Variants in RAP1GAP2 observed in about 807,000 individuals in gnomAD.
RAP1GAP2 encodes rap1 GTPase-activating protein 2.
RAP1GAP2 carries 27 observed loss-of-function variants against 95.0 expected under a neutral mutation model. The observed-to-expected ratio is 0.28, with a 90% CI of 0.21 to 0.39. The LOEUF is 0.39. Among genes scored for constraint, RAP1GAP2 ranks in the 10% least tolerant of loss-of-function variants. The pLI is 1.00. For missense variants in RAP1GAP2, 771 were observed against 970.0 expected (o/e 0.79, Z 2.72); for synonymous variants, 373 against 380.9 (o/e 0.98, Z 0.24).
intron 3 of RAP1GAP2, among the ~76,000 whole-genome samples, chr17:2,934,001 G>A (rs961435727): frequency 1.2e-4 from 19 of 152,372 alleles, no homozygotes; most frequent in Non-Finnish European, 1.6e-4. Context: ...AGGCAGCCAC[G>A]CCCTTACAGA....
At chr17:3,026,312 G>T in intron 20 of RAP1GAP2, 38 bp from the exon 21 acceptor site, 4 of 1,508,870 alleles carry the variant, frequency 2.7e-6, no homozygotes, top group Non-Finnish European at 3.6e-6. Context: ...GGGCTCTCGC[G>T]TGTGACCCGG....
At chr17:2,793,942 A>G (rs369264682), upstream of RAP1GAP2, among the ~76,000 whole-genome samples, 17 of 152,100 alleles carry the variant, frequency 1.1e-4, no homozygotes, top group East Asian at 2.1e-3. Context: ...CTCTACTAAA[A>G]ACACAAAAAT....
chr17:3,010,730 A>G (rs2046504497), intron 17 of RAP1GAP2, among the ~76,000 whole-genome samples: 1 of 152,128 alleles, frequency 6.6e-6, no homozygotes, highest in Non-Finnish European at 1.5e-5. Context: ...ATCACGACTC[A>G]TCTTTGATCC....
chr17:2,853,556 G>A (rs1567711331), intron 2 of RAP1GAP2, among the ~76,000 whole-genome samples: 1 of 151,106 alleles, frequency 6.6e-6, no homozygotes, highest in African/African-American at 2.4e-5. Context: ...CCTGGGAGCC[G>A]GGCAGGGGGG....
chr17:2,975,616 G>A (rs569546619), intron 8 of RAP1GAP2, among the ~76,000 whole-genome samples: 47 of 152,344 alleles, frequency 3.1e-4, no homozygotes, highest in Middle Eastern at 3.4e-3. Context: ...CCTGATGGGC[G>A]TGTTTGGGAG....
intron 2 of RAP1GAP2, among the ~76,000 whole-genome samples, chr17:2,891,847 G>A: frequency 1.4e-5 from 1 of 71,510 alleles, no homozygotes; most frequent in African/African-American, 5.5e-5. Context: ...TTTTGAGACA[G>A]AGTTTCACTC....
intron 2 of RAP1GAP2, among the ~76,000 whole-genome samples, chr17:2,812,255 A>G (rs1482552982): frequency 6.6e-6 from 1 of 152,074 alleles, no homozygotes; most frequent in African/African-American, 2.4e-5. Context: ...CTGTTCCCAG[A>G]CTGAACTGAC....
chr17:2,958,862 C>T (rs527742119), intron 4 of RAP1GAP2, among the ~76,000 whole-genome samples: 73 of 152,068 alleles, frequency 4.8e-4, no homozygotes, highest in African/African-American at 1.7e-3. Flanking sequence ...GGAGGGGAGA[C>T]GCTGTTTGAA....
At chr17:2,884,651 GGT>G (rs2151677685) in intron 2 of RAP1GAP2, among the ~76,000 whole-genome samples, 1 of 152,174 alleles carries the variant, frequency 6.6e-6, no homozygotes, top group East Asian at 1.9e-4. Context: ...TGGGATTACA[GGT>G]GTGAGCCACT....
Position 2,898,558 on chromosome 17 carries a change from G to A in RAP1GAP2, c.81-6726G>A, listed in dbSNP as rs182790082. Among the ~76,000 whole-genome samples, 781 of 152,248 alleles carry A rather than the reference G, an allele frequency of 5.1e-3. 2 individuals carry two copies. Among genetic ancestry groups the A allele is most frequent in the Non-Finnish European group, 9.3e-3 (632 of 68,022 alleles). The stretch of plus-strand genomic sequence containing the variant: ...GGAATTGAGCCATGTGCATATACCC[G>A]GGGCCTGGCGGTTCCCACATGGCAG... On this transcript the variant is annotated intron_variant, in intron 2 of 24. Coordinates refer to ENST00000254695, the MANE Select transcript of RAP1GAP2 (RefSeq NM_015085.5).
At chr17:2,792,285 A>C (rs2068946079), upstream of RAP1GAP2, among the ~76,000 whole-genome samples, 1 of 152,238 alleles carries the variant, frequency 6.6e-6, no homozygotes, top group African/African-American at 2.4e-5. Context: ...GGACTGAAGC[A>C]GGGACAGAAT....
intron 3 of RAP1GAP2, among the ~76,000 whole-genome samples, chr17:2,935,807 C>T (rs1467430495): frequency 6.6e-6 from 1 of 152,136 alleles, no homozygotes; most frequent in African/African-American, 2.4e-5. Context: ...GGCTGGGATT[C>T]GGAGGCTGGT....
intron 2 of RAP1GAP2, among the ~76,000 whole-genome samples, chr17:2,896,639 G>C (rs2041834631): frequency 6.6e-6 from 1 of 152,248 alleles, no homozygotes; most frequent in African/African-American, 2.4e-5. Context: ...TCTGAGATAT[G>C]TGCACGAGGG....
chr17:2,826,752 A>G (rs2070584740), intron 2 of RAP1GAP2, among the ~76,000 whole-genome samples: 1 of 152,168 alleles, frequency 6.6e-6, no homozygotes, highest in Admixed American at 6.5e-5. Context: ...TCACGCCTGT[A>G]ATCCCAACAC....
rs144016151 is a variant in RAP1GAP2, at chr17:2,884,665, C to T, written c.81-20619C>T. 6.1e-3 allele frequency among the ~76,000 whole-genome samples: 936 copies of T among 152,200 alleles called. 6 individuals are homozygous for T. Among genetic ancestry groups the T allele is most frequent in the South Asian group, 0.014 (67 of 4,816 alleles). ...CTGGGATTACAGGTGTGAGCCACTG[C>T]GCCCAGCCTAGCGTTCTTGAATTTG... On this transcript the variant is annotated intron_variant, in intron 2 of 24. Transcript: ENST00000254695.
At position 3,027,017 on chromosome 17, in the gene RAP1GAP2, G is replaced by T; in HGVS notation, c.2054G>T (p.Ser685Ile). The T allele has an allele frequency of 6.4e-7, 1 of 1,570,532 alleles. No homozygotes were observed. The highest frequency in any genetic ancestry group is 1.2e-5 in the South Asian group (1 of 85,096). The change falls in exon 22 of 25, where the codon AGC becomes ATC. Residue 685 changes from serine (S) to isoleucine (I), a missense_variant. Physicochemically the swap from Ser to Ile is moderately radical, Grantham distance 142. Transcript: ENST00000254695. This position sits in a 1 kb window ranked among gnomAD's most constrained non-coding sequence, Gnocchi z 5.2. ...TACAGCCCGTCCCCGAGCAGCGAGA[G>T]CCCCAGCCTGGGGGCAGCTGCCACC... ...FVYSPSPSSE[S>I]PSLGAAATPI... is the part of the protein sequence containing the mutation.
At chr17:2,876,971 C>T (rs1340319912) in intron 2 of RAP1GAP2, among the ~76,000 whole-genome samples, 1 of 151,520 alleles carries the variant, frequency 6.6e-6, no homozygotes, top group Non-Finnish European at 1.5e-5. Context: ...TCACCGCAAC[C>T]TCCACCTCCC....
Position 2,856,211 on chromosome 17 carries a change from T to C in RAP1GAP2, c.81-49073T>C, listed in dbSNP as rs147188551. 7.2e-5 allele frequency among the ~76,000 whole-genome samples: 11 copies of C among 152,252 alleles called. No individual in the cohort carries two copies. In the East Asian group the frequency reaches 1.4e-3, roughly 19 times the overall value. On this transcript the variant is annotated intron_variant, in intron 2 of 24. Coordinates refer to ENST00000254695, the MANE Select transcript of RAP1GAP2 (RefSeq NM_015085.5). ...GGGCTGGAATGGAAAATGGGCTTGA[T>C]AGAAAGGCAGATGCGTGGGACCAAT...
chr17:2,896,802 C>A (rs1176406030), intron 2 of RAP1GAP2, among the ~76,000 whole-genome samples: 1 of 152,192 alleles, frequency 6.6e-6, no homozygotes, highest in African/African-American at 2.4e-5. Context: ...TCTAATGCAC[C>A]TGGAGGGCAG....
Sources: gnomAD v4.1 joint callset for allele counts (sites outside exome capture counted in the v4.1 genomes callset) on GRCh38, gnomAD v4.1.1 for gene constraint, Gnocchi (gnomAD v3.1) non-coding constraint, MANE v1.5 for transcripts, NCBI Gene and HGNC (gene_info 2026-07-23, HGNC 2026-07-21) for gene names.